Variants in NCAM2 observed in about 807,000 individuals in gnomAD.
The protein encoded by NCAM2 is N-CAM-2.
NCAM2 carries 30 observed loss-of-function variants against 98.1 expected under a neutral mutation model. That is an observed-to-expected ratio of 0.31 (90% CI 0.23 to 0.41). NCAM2 has a LOEUF of 0.41. Ranked by LOEUF, NCAM2 falls within the 10% of genes least tolerant of loss-of-function variation. The pLI is 1.00. For missense variants in NCAM2, 867 were observed against 1,005.8 expected (o/e 0.86, Z 1.87); for synonymous variants, 368 against 342.4 (o/e 1.07, Z -0.83).
chr21:21,331,509 C>CTA (rs748594575), intron 6 of NCAM2, among the ~76,000 whole-genome samples: 93 of 5,026 alleles, frequency 0.019, 18 homozygotes, highest in South Asian at 0.06. Context: ...ACTCTATACT[C>CTA]TCTCTCTCTA....
chr21:21,095,607 A>G (rs553016470), intron 1 of NCAM2, among the ~76,000 whole-genome samples: 238 of 151,794 alleles, frequency 1.6e-3, no homozygotes, highest in Middle Eastern at 6.8e-3. Context: ...GGAAGAAAAG[A>G]TGATAAGATA....
chr21:21,419,172 TTTAA>T (rs1214469358), intron 11 of NCAM2, among the ~76,000 whole-genome samples: 2 of 152,150 alleles, frequency 1.3e-5, no homozygotes, highest in Non-Finnish European at 2.9e-5. Context: ...ATGAATCACT[TTTAA>T]AAACTTCAAA....
At chr21:21,387,829 C>A (rs1352760307) in intron 9 of NCAM2, among the ~76,000 whole-genome samples, 4 of 151,950 alleles carry the variant, frequency 2.6e-5, no homozygotes, top group African/African-American at 7.3e-5. Flanking sequence ...CAAGAGAAAC[C>A]AATGACTTTA....
In NCAM2 at chr21:21,324,423, C is replaced by T; in HGVS notation, c.660C>T (p.Ala220=). The T allele has an allele frequency of 1.2e-6, 2 of 1,613,678 alleles. No homozygotes were observed. Among genetic ancestry groups the T allele is most frequent in the Non-Finnish European group, 1.7e-6 (2 of 1,179,782 alleles). ...CAATGCCTCAGAAATCTTTTAATGC[C>T]ACAGCAGAGAGAGGAGAAGAAATGA... The part of the protein sequence containing the change: ...AISMPQKSFN[A]TAERGEEMTF... Residue 220 remains alanine (A), a synonymous_variant, in exon 6 of 18, where the codon GCC becomes GCT. Transcript: ENST00000400546.
chr21:21,327,145 C>A (rs1234625852), intron 6 of NCAM2, among the ~76,000 whole-genome samples: 1 of 151,962 alleles, frequency 6.6e-6, no homozygotes, highest in Non-Finnish European at 1.5e-5. Context: ...CGCAAGCAAC[C>A]ACCAACATGG....
chr21:21,278,341 G>A (rs1279516652), intron 1 of NCAM2, among the ~76,000 whole-genome samples: 1 of 151,964 alleles, frequency 6.6e-6, no homozygotes, highest in Non-Finnish European at 1.5e-5. Context: ...AATTTCTTGA[G>A]TTCTGCATTT....
At chr21:21,477,967 T>C (rs574936791) in intron 15 of NCAM2, among the ~76,000 whole-genome samples, 1 of 152,228 alleles carries the variant, frequency 6.6e-6, no homozygotes, top group Non-Finnish European at 1.5e-5. Context: ...GACCTATACC[T>C]AGAGTTTTAA....
chr21:21,238,623 T>C (rs1042588100), intron 1 of NCAM2, among the ~76,000 whole-genome samples: 1 of 68 alleles, frequency 0.015, no homozygotes, highest in Non-Finnish European at 0.024. Context: ...GGTGTGCCAA[T>C]ACTCTTTTCT....
At chr21:21,363,994 T>A (rs9941809) in intron 8 of NCAM2, among the ~76,000 whole-genome samples, 2 of 152,082 alleles carry the variant, frequency 1.3e-5, no homozygotes, top group East Asian at 3.9e-4. Flanking sequence ...AGAGTGTTTG[T>A]ATAAATTACC....
At chr21:21,251,522 C>T (rs1329601087) in intron 1 of NCAM2, among the ~76,000 whole-genome samples, 2 of 152,062 alleles carry the variant, frequency 1.3e-5, no homozygotes, top group Non-Finnish European at 2.9e-5. Flanking sequence ...TCCATGGTGT[C>T]TGTGTGCCAC....
intron 5 of NCAM2, among the ~76,000 whole-genome samples, chr21:21,312,586 A>T (rs2074090811): frequency 6.3e-5 from 1 of 15,988 alleles, no homozygotes; most frequent in African/African-American, 2.6e-4. Flanking sequence ...AAAAAAACTT[A>T]ATGTTGATAT....
At chr21:21,403,793 A>G (rs2076681673) in intron 9 of NCAM2, among the ~76,000 whole-genome samples, 1 of 151,246 alleles carries the variant, frequency 6.6e-6, no homozygotes, top group Admixed American at 6.6e-5. Context: ...CAAAACAAAT[A>G]AAACCAAAAC....
chr21:21,525,410 T>C (rs1989268785), intron 16 of NCAM2, among the ~76,000 whole-genome samples: 1 of 152,094 alleles, frequency 6.6e-6, no homozygotes, highest in African/African-American at 2.4e-5. Flanking sequence ...AATAATTTGA[T>C]AACCAAAGTG....
At chr21:21,091,441 C>T (rs2066009860) in intron 1 of NCAM2, among the ~76,000 whole-genome samples, 1 of 151,856 alleles carries the variant, frequency 6.6e-6, no homozygotes, top group Non-Finnish European at 1.5e-5. Flanking sequence ...TGTCGATGTT[C>T]ATTAAAGTAC....
At chr21:21,422,723 A>G (rs889090728) in intron 11 of NCAM2, among the ~76,000 whole-genome samples, 1 of 152,182 alleles carries the variant, frequency 6.6e-6, no homozygotes, top group Non-Finnish European at 1.5e-5. Context: ...GAAATATAAG[A>G]CAGACAAATA....
chr21:21,019,807 T>C (rs2064391744), intron 1 of NCAM2, among the ~76,000 whole-genome samples: 1 of 152,212 alleles, frequency 6.6e-6, no homozygotes, highest in South Asian at 2.1e-4. Context: ...AGTTTTCGCA[T>C]ACTTCGCTAA....
intron 1 of NCAM2, among the ~76,000 whole-genome samples, chr21:21,019,787 C>T (rs1166706880): frequency 1.3e-5 from 2 of 152,094 alleles, no homozygotes; most frequent in Admixed American, 6.5e-5. Flanking sequence ...CCACTGAATA[C>T]ATTCTATTCA....
chr21:21,480,476 C>T (rs879660132), intron 15 of NCAM2, among the ~76,000 whole-genome samples: 7 of 150,908 alleles, frequency 4.6e-5, no homozygotes, highest in African/African-American at 1.7e-4. Flanking sequence ...AAATGTGTGA[C>T]GTGGAAGGTA....
chr21:21,147,361 GAGT>G (rs1332143978), intron 1 of NCAM2: 1 of 883,478 alleles, frequency 1.1e-6, no homozygotes, highest in African/African-American at 1.8e-5. Flanking sequence ...TTGAAATTTA[GAGT>G]AGAAGGAAAA....
Sources: gnomAD v4.1 joint callset for allele counts (sites outside exome capture counted in the v4.1 genomes callset) on GRCh38, gnomAD v4.1.1 for gene constraint, MANE v1.5 for transcripts, NCBI Gene and HGNC (gene_info 2026-07-23, HGNC 2026-07-21) for gene names.